Variants in COP1 observed in about 807,000 individuals in gnomAD.
COP1 encodes E3 ubiquitin-protein ligase COP1.
A neutral mutation model predicts 101.3 loss-of-function variants in COP1; 24 were observed. That is an observed-to-expected ratio of 0.24 (90% CI 0.17 to 0.33). The LOEUF (loss-of-function observed/expected upper bound fraction) is 0.33. COP1 is among the 10% of genes least tolerant of loss of function. The probability of loss-of-function intolerance (pLI) is 1.00; values close to 1 mark genes in which losing one functional copy is unlikely to be tolerated. For synonymous variants in COP1, 347 were observed against 341.9 expected (o/e 1.01, Z -0.17); for missense variants, 663 against 906.2 (o/e 0.73, Z 3.45).
chr1:175,991,453 G>A (rs1035506105), intron 15 of COP1, among the ~76,000 whole-genome samples: 3 of 152,146 alleles, frequency 2.0e-5, no homozygotes, highest in South Asian at 4.1e-4. Flanking sequence ...AAATTGTTTT[G>A]GGTGAGTTAG....
chr1:176,119,591 T>C (rs887400398), intron 8 of COP1, among the ~76,000 whole-genome samples: 7 of 151,986 alleles, frequency 4.6e-5, no homozygotes, highest in Admixed American at 3.9e-4. Flanking sequence ...ATAGAAAAAT[T>C]TGAATAATAA....
intron 18 of COP1, among the ~76,000 whole-genome samples, chr1:175,980,507 C>G (rs894396940): frequency 6.6e-6 from 1 of 152,078 alleles, no homozygotes; most frequent in African/African-American, 2.4e-5. Context: ...GAAAGTATTA[C>G]AGCATAGTTG....
intron 5 of COP1, among the ~76,000 whole-genome samples, chr1:176,150,349 T>C (rs551696147): frequency 1.3e-5 from 2 of 152,252 alleles, no homozygotes; most frequent in Admixed American, 6.5e-5. Context: ...TGAATTAATA[T>C]GTTTTACAAC....
At chr1:176,007,928 CG>C (rs1557908509) in intron 15 of COP1, among the ~76,000 whole-genome samples, 1 of 151,620 alleles carries the variant, frequency 6.6e-6, no homozygotes, top group Non-Finnish European at 1.5e-5. Flanking sequence ...TAATGGCGGG[CG>C]CCCCTCCCCC....
At chr1:176,085,218 G>A (rs556520641) in intron 10 of COP1, among the ~76,000 whole-genome samples, 2 of 151,344 alleles carry the variant, frequency 1.3e-5, no homozygotes, top group African/African-American at 2.4e-5. Context: ...TCCCTACACT[G>A]ATCATTCCCT....
At chr1:176,024,747 CAA>C (rs1351919524) in intron 15 of COP1, among the ~76,000 whole-genome samples, 2 of 151,960 alleles carry the variant, frequency 1.3e-5, no homozygotes, top group East Asian at 1.9e-4. Flanking sequence ...GTTAGAGATA[CAA>C]GAGAGATATA....
At chr1:175,966,165 C>T (rs1651994016) in intron 18 of COP1, among the ~76,000 whole-genome samples, 1 of 152,076 alleles carries the variant, frequency 6.6e-6, no homozygotes, top group South Asian at 2.1e-4. Flanking sequence ...CACAAAACTA[C>T]AATCTATCAA....
chr1:175,955,546 T>C (rs541361498), intron 18 of COP1, among the ~76,000 whole-genome samples: 1 of 152,068 alleles, frequency 6.6e-6, no homozygotes, highest in Non-Finnish European at 1.5e-5. Context: ...GAAAACTGTC[T>C]TCATTTGCAA....
chr1:176,160,879 G>A (rs1277978700), intron 5 of COP1, among the ~76,000 whole-genome samples: 3 of 152,158 alleles, frequency 2.0e-5, no homozygotes, highest in African/African-American at 7.2e-5. Context: ...CTCCGTTGGG[G>A]GTGGAGGGGT....
At chr1:176,187,384 T>G (rs1698603924) in intron 1 of COP1, among the ~76,000 whole-genome samples, 1 of 134,976 alleles carries the variant, frequency 7.4e-6, no homozygotes, top group Admixed American at 8.2e-5. Context: ...TACACATATA[T>G]ATACACATAT....
At chr1:176,175,273 G>A (rs2101916031) in intron 3 of COP1, among the ~76,000 whole-genome samples, 1 of 152,208 alleles carries the variant, frequency 6.6e-6, no homozygotes, top group East Asian at 1.9e-4. Flanking sequence ...CACTTCACAG[G>A]GATACCTAAA....
chr1:175,989,885 C>A (rs765357727), intron 15 of COP1, among the ~76,000 whole-genome samples: 1 of 152,132 alleles, frequency 6.6e-6, no homozygotes, highest in Admixed American at 6.5e-5. Flanking sequence ...CTAAATTTAA[C>A]CAGCAGTTCA....
intron 2 of COP1, among the ~76,000 whole-genome samples, chr1:176,178,551 G>C (rs1053809046): frequency 2.6e-5 from 4 of 152,012 alleles, no homozygotes; most frequent in Non-Finnish European, 4.4e-5. Context: ...ACTCTGAAAG[G>C]TTATTAAAGA....
intron 18 of COP1, 131 bp from the exon 19 acceptor site, chr1:175,947,370 A>AT (rs34272809): frequency 0.2 from 94,700 of 485,138 alleles, 1,315 homozygotes; most frequent in Non-Finnish European, 0.22. Context: ...TGAAGATACA[A>AT]TTTTTTTTTT....
chr1:176,136,763 T>C (rs1217631861), intron 6 of COP1, among the ~76,000 whole-genome samples: 3 of 152,182 alleles, frequency 2.0e-5, no homozygotes, highest in East Asian at 1.9e-4. Flanking sequence ...GAAAACACAA[T>C]GTTGTACTTC....
chr1:176,112,779 T>A lies in COP1; in HGVS notation c.1026+3845A>T, dbSNP rs138840702. Among the ~76,000 whole-genome samples the A allele has an allele frequency of 4.9e-3, 745 of 152,258 alleles. 7 individuals carry two copies. Among genetic ancestry groups the A allele is most frequent in the African/African-American group, 0.017 (695 of 41,554 alleles). ...CTGCCTCCATGAGATCCACTTTTTT[T>A]TGGCTCCCATTTAAGAATGACAATA... On this transcript the variant is annotated intron_variant, in intron 9 of 19. Coordinates refer to ENST00000367669, the MANE Select transcript of COP1 (RefSeq NM_022457.7).
At chr1:175,975,287 AC>A (rs1654252738) in intron 18 of COP1, among the ~76,000 whole-genome samples, 1 of 152,066 alleles carries the variant, frequency 6.6e-6, no homozygotes, top group East Asian at 1.9e-4. Context: ...CCCCACTCCC[AC>A]CACCATTAGT....
At chr1:176,172,829 T>A (rs564073311) in intron 3 of COP1, among the ~76,000 whole-genome samples, 2 of 152,268 alleles carry the variant, frequency 1.3e-5, no homozygotes, top group South Asian at 2.1e-4. Context: ...CAGGAGACAG[T>A]CTCTACACAC....
At chr1:175,960,004 A>T (rs1423461734) in intron 18 of COP1, among the ~76,000 whole-genome samples, 1 of 152,224 alleles carries the variant, frequency 6.6e-6, no homozygotes, top group Non-Finnish European at 1.5e-5. Flanking sequence ...TTCTGTTTTA[A>T]GTGGCAAGCC....
Sources: gnomAD v4.1 joint callset for allele counts (sites outside exome capture counted in the v4.1 genomes callset) on GRCh38, gnomAD v4.1.1 for gene constraint, MANE v1.5 for transcripts, NCBI Gene and HGNC (gene_info 2026-07-23, HGNC 2026-07-21) for gene names.